KIAA1328: variants seen among roughly 807,000 people sequenced by gnomAD.
KIAA1328 encodes the protein KIAA1328.
In KIAA1328, 52 loss-of-function variants were observed where a neutral mutation model predicts 68.1. The ratio of observed to expected loss-of-function variants is 0.76; its 90% CI spans 0.61 to 0.96. The LOEUF is 0.96. Ranked by LOEUF, KIAA1328 falls within the 40% of genes least tolerant of loss-of-function variation. The pLI, the probability that KIAA1328 is intolerant of heterozygous loss-of-function variation, is 0.00. For missense variants in KIAA1328, 641 were observed against 677.6 expected (o/e 0.95, Z 0.60); for synonymous variants, 232 against 239.4 (o/e 0.97, Z 0.28).
intron 6 of KIAA1328, among the ~76,000 whole-genome samples, chr18:37,051,143 T>C (rs1347063002): frequency 6.6e-6 from 1 of 152,034 alleles, no homozygotes; most frequent in Non-Finnish European, 1.5e-5. Context: ...ACTCAAAAAA[T>C]TTCAACTTTC....
intron 9 of KIAA1328, among the ~76,000 whole-genome samples, chr18:37,215,088 A>G (rs1183718546): frequency 6.6e-6 from 1 of 152,208 alleles, no homozygotes; most frequent in Non-Finnish European, 1.5e-5. Context: ...CCATCATGTC[A>G]TCTGCAAACC....
intron 7 of KIAA1328, among the ~76,000 whole-genome samples, chr18:37,091,659 C>G (rs1488415010): frequency 6.6e-6 from 1 of 152,154 alleles, no homozygotes; most frequent in Non-Finnish European, 1.5e-5. Context: ...TATATTCTGC[C>G]TTAGGTCCCA....
chr18:37,038,183 C>T (rs2055104486), intron 6 of KIAA1328, among the ~76,000 whole-genome samples: 2 of 152,044 alleles, frequency 1.3e-5, no homozygotes, highest in African/African-American at 4.8e-5. Flanking sequence ...TCTGTTGGCA[C>T]AGCTGCTGGC....
chr18:37,011,151 C>T lies in KIAA1328; in HGVS notation c.576+51716C>T, dbSNP rs537082285. ...CTTTTCCCTTGCTATTATAGGAAAC[C>T]GTATGTTAGTAAAAGATATAGATTC... On this transcript the variant is annotated intron_variant, in intron 6 of 9. Coordinates refer to ENST00000280020, the MANE Select transcript of KIAA1328 (RefSeq NM_020776.3). Among the ~76,000 whole-genome samples, 18 of 152,140 alleles carry T rather than the reference C, an allele frequency of 1.2e-4. No individual in the cohort carries two copies. The South Asian group carries it at 1.9e-3, about 16-fold the overall frequency.
At chr18:36,881,614 C>T (rs2048331293) in intron 4 of KIAA1328, among the ~76,000 whole-genome samples, 1 of 152,170 alleles carries the variant, frequency 6.6e-6, no homozygotes, top group Admixed American at 6.5e-5. Context: ...GCCCACTTCC[C>T]ACCAATCCTT....
intron 6 of KIAA1328, among the ~76,000 whole-genome samples, chr18:37,066,436 A>G (rs2056339903): frequency 6.6e-6 from 1 of 152,234 alleles, no homozygotes; most frequent in Non-Finnish European, 1.5e-5. Context: ...ATCACATTCT[A>G]TTCAGTATAA....
chr18:36,829,806 A>G (rs890536535), intron 1 of KIAA1328, among the ~76,000 whole-genome samples: 2 of 152,144 alleles, frequency 1.3e-5, no homozygotes, highest in African/African-American at 4.8e-5. Flanking sequence ...TTGTTGACTT[A>G]CTTGTGGAGT....
At chr18:37,182,645 C>T (rs1250974575) in intron 9 of KIAA1328, among the ~76,000 whole-genome samples, 1 of 151,960 alleles carries the variant, frequency 6.6e-6, no homozygotes, top group East Asian at 1.9e-4. Context: ...TAAGTGTATC[C>T]CCTAACAAAG....
At chr18:37,126,243 C>G (rs78832918) in intron 7 of KIAA1328, among the ~76,000 whole-genome samples, 1,607 of 152,160 alleles carry the variant, frequency 0.011, 32 homozygotes, top group African/African-American at 0.037. Flanking sequence ...TGCAAATATT[C>G]CAAAATCCAA....
chr18:37,204,169 A>G (rs2060171368), intron 9 of KIAA1328, among the ~76,000 whole-genome samples: 1 of 152,214 alleles, frequency 6.6e-6, no homozygotes, highest in Non-Finnish European at 1.5e-5. Context: ...GACGTATCTA[A>G]AAATACCAGA....
At chr18:37,026,629 A>T (rs1159313877) in intron 6 of KIAA1328, among the ~76,000 whole-genome samples, 1 of 152,232 alleles carries the variant, frequency 6.6e-6, no homozygotes, top group South Asian at 2.1e-4. Context: ...AAACCACATG[A>T]TTATCTCAAT....
chr18:36,997,900 G>C (rs911826225), intron 6 of KIAA1328, among the ~76,000 whole-genome samples: 2 of 152,182 alleles, frequency 1.3e-5, no homozygotes, highest in African/African-American at 4.8e-5. Flanking sequence ...GAGCTGGGGA[G>C]TGAACCCAAC....
chr18:37,030,683 TA>T (rs2054788746), intron 6 of KIAA1328, among the ~76,000 whole-genome samples: 1 of 152,134 alleles, frequency 6.6e-6, no homozygotes, highest in Non-Finnish European at 1.5e-5. Flanking sequence ...TCTTTCTTTT[TA>T]TTTATTTATT....
intron 7 of KIAA1328, among the ~76,000 whole-genome samples, chr18:37,131,186 A>C (rs186029446): frequency 1.3e-5 from 2 of 152,312 alleles, no homozygotes; most frequent in East Asian, 3.9e-4. Context: ...TGAGACTTAC[A>C]TGTTCTGTTA....
chr18:37,116,744 AT>A (rs2058120688), intron 7 of KIAA1328, among the ~76,000 whole-genome samples: 1 of 152,170 alleles, frequency 6.6e-6, no homozygotes, highest in Non-Finnish European at 1.5e-5. Flanking sequence ...ATGGGAGAAA[AT>A]TTTTGCAATC....
intron 5 of KIAA1328, among the ~76,000 whole-genome samples, chr18:36,897,971 T>C (rs1473776481): frequency 1.3e-5 from 2 of 152,064 alleles, no homozygotes; most frequent in Non-Finnish European, 2.9e-5. Flanking sequence ...CAAATATGAT[T>C]TATCTCAATG....
At chr18:37,038,690 CT>C (rs941171497) in intron 6 of KIAA1328, among the ~76,000 whole-genome samples, 6 of 151,116 alleles carry the variant, frequency 4.0e-5, no homozygotes, top group Admixed American at 1.3e-4. Context: ...TAATGTATGT[CT>C]TTTTTTTTCT....
At chr18:36,968,646 A>C (rs1325633664) in intron 6 of KIAA1328, among the ~76,000 whole-genome samples, 2 of 152,212 alleles carry the variant, frequency 1.3e-5, no homozygotes, top group Non-Finnish European at 2.9e-5. Flanking sequence ...GCAAGTTCTT[A>C]GAGACCTTCA....
chr18:37,006,264 T>G (rs569730495), intron 6 of KIAA1328, among the ~76,000 whole-genome samples: 41 of 150,864 alleles, frequency 2.7e-4, no homozygotes, highest in Middle Eastern at 3.4e-3. Flanking sequence ...AACATATGGG[T>G]TTTTTTTTCC....
Sources: gnomAD v4.1 joint callset for allele counts (sites outside exome capture counted in the v4.1 genomes callset) on GRCh38, gnomAD v4.1.1 for gene constraint, MANE v1.5 for transcripts, NCBI Gene and HGNC (gene_info 2026-07-23, HGNC 2026-07-21) for gene names.